Variants in PCDH15 observed in about 807,000 individuals in gnomAD.
The protein encoded by PCDH15 is protocadherin-15.
PCDH15 carries 129 observed loss-of-function variants against 178.5 expected under a neutral mutation model. That is an observed-to-expected ratio of 0.72 (90% CI 0.63 to 0.84). The LOEUF (loss-of-function observed/expected upper bound fraction) is 0.84. PCDH15 is among the 40% of genes least tolerant of loss of function. The pLI, the probability that PCDH15 is intolerant of heterozygous loss-of-function variation, is 0.00. For missense variants in PCDH15, 2,230 were observed against 2,099.9 expected, an observed-to-expected ratio of 1.06 and a Z score of -1.21; for synonymous variants, 800 against 732.0, an observed-to-expected ratio of 1.09 and a Z score of -1.50.
At chr10:55,224,772 A>G (rs1840980133) in intron 1 of PCDH15, among the ~76,000 whole-genome samples, 1 of 152,078 alleles carries the variant, frequency 6.6e-6, no homozygotes, top group South Asian at 2.1e-4. Context: ...CTTGCGTGAT[A>G]TAACTCCTGT....
At chr10:54,073,662 T>C (rs186890565) in intron 17 of PCDH15, among the ~76,000 whole-genome samples, 2 of 152,276 alleles carry the variant, frequency 1.3e-5, no homozygotes, top group African/African-American at 4.8e-5. Flanking sequence ...AATCCAGTAA[T>C]TCAAGAGCAT....
intron 2 of PCDH15, among the ~76,000 whole-genome samples, chr10:55,064,864 G>T (rs748461478): frequency 6.6e-6 from 1 of 151,970 alleles, no homozygotes; most frequent in Non-Finnish European, 1.5e-5. Flanking sequence ...TATCATTTGA[G>T]ACATCATAAG....
intron 26 of PCDH15, among the ~76,000 whole-genome samples, chr10:53,882,873 C>T (rs563765215): frequency 2.6e-5 from 4 of 151,966 alleles, no homozygotes; most frequent in African/African-American, 7.3e-5. Context: ...GGCCAATAGT[C>T]TTTTATAATG....
intron 22 of PCDH15, among the ~76,000 whole-genome samples, chr10:53,960,568 A>G (rs2088190024): frequency 1.3e-5 from 2 of 152,218 alleles, no homozygotes; most frequent in African/African-American, 4.8e-5. Flanking sequence ...CATCAAAGTA[A>G]TTCTATGTTT....
intron 3 of PCDH15, among the ~76,000 whole-genome samples, chr10:54,896,917 G>A (rs1287067845): frequency 6.6e-6 from 1 of 152,044 alleles, no homozygotes; most frequent in African/African-American, 2.4e-5. Flanking sequence ...ACTCCAATAA[G>A]CAATTACATA....
In PCDH15 at chr10:53,867,423, TG is replaced by T. The variant is rs138924124; in HGVS notation, c.3502-567del. Among the ~76,000 whole-genome samples, 57 of 152,266 alleles carry T rather than the reference TG, an allele frequency of 3.7e-4. No individual in the cohort carries two copies. The East Asian group carries it at 0.011, about 29-fold the overall frequency. ...ACAAAGAAGTGATAACTGTTTGAGA[TG>T]ACAGATATGCTAATTACCCTGATTT... On this transcript the variant is annotated intron_variant, in intron 26 of 37. Transcript: ENST00000644397.
chr10:55,145,933 T>C (rs1482836329), intron 2 of PCDH15, among the ~76,000 whole-genome samples: 1 of 151,930 alleles, frequency 6.6e-6, no homozygotes, highest in Non-Finnish European at 1.5e-5. Flanking sequence ...ACAAACATAC[T>C]GACCAAAGGT....
chr10:55,099,506 G>A (rs999589021), intron 2 of PCDH15, among the ~76,000 whole-genome samples: 2 of 152,038 alleles, frequency 1.3e-5, no homozygotes, highest in Non-Finnish European at 1.5e-5. Flanking sequence ...TTGCAGTGTA[G>A]TAATCATCTG....
chr10:54,516,328 T>G (rs1253754441), intron 3 of PCDH15, among the ~76,000 whole-genome samples: 1 of 151,934 alleles, frequency 6.6e-6, no homozygotes, highest in East Asian at 1.9e-4. Context: ...ATTAGATGAA[T>G]GTATAACTAG....
intron 3 of PCDH15, among the ~76,000 whole-genome samples, chr10:54,515,492 C>A (rs540783032): frequency 3.9e-5 from 6 of 152,240 alleles, no homozygotes; most frequent in Admixed American, 1.3e-4. Context: ...GAAACTGGAA[C>A]TCGGTGGAGC....
chr10:54,385,292 A>T (rs1411030066), intron 3 of PCDH15, among the ~76,000 whole-genome samples: 1 of 152,132 alleles, frequency 6.6e-6, no homozygotes, highest in Non-Finnish European at 1.5e-5. Flanking sequence ...GTAAACAATA[A>T]GGCAAAATTA....
intron 2 of PCDH15, among the ~76,000 whole-genome samples, chr10:55,448,530 A>G (rs1839366413): frequency 6.6e-6 from 1 of 152,006 alleles, no homozygotes; most frequent in African/African-American, 2.4e-5. Flanking sequence ...TTTTTTCAGT[A>G]GGAAACTTGA....
At chr10:54,491,683 A>G (rs2079609261) in intron 3 of PCDH15, among the ~76,000 whole-genome samples, 1 of 152,162 alleles carries the variant, frequency 6.6e-6, no homozygotes, top group Non-Finnish European at 1.5e-5. Flanking sequence ...GAGAAGATTC[A>G]TCAATCTATG....
chr10:53,904,149 T>C (rs2082513002), intron 25 of PCDH15, among the ~76,000 whole-genome samples: 1 of 152,146 alleles, frequency 6.6e-6, no homozygotes, highest in African/African-American at 2.4e-5. Context: ...TTAATATGTA[T>C]AAAAATAACT....
At chr10:55,438,121 C>A (rs1839090624) in intron 2 of PCDH15, among the ~76,000 whole-genome samples, 1 of 151,552 alleles carries the variant, frequency 6.6e-6, no homozygotes, top group Non-Finnish European at 1.5e-5. Flanking sequence ...AGGCATGAGC[C>A]CCTGCGCCTG....
chr10:54,500,809 G>A (rs1431040642), intron 3 of PCDH15, among the ~76,000 whole-genome samples: 1 of 152,042 alleles, frequency 6.6e-6, no homozygotes, highest in Non-Finnish European at 1.5e-5. Flanking sequence ...GGCAACAGAA[G>A]TGAGACTCCA....
At chr10:55,549,212 C>T (rs924674474) in intron 2 of PCDH15, among the ~76,000 whole-genome samples, 2 of 151,844 alleles carry the variant, frequency 1.3e-5, no homozygotes, top group Admixed American at 6.6e-5. Flanking sequence ...ATTCATATTC[C>T]TGTTTTTCTG....
intron 11 of PCDH15, among the ~76,000 whole-genome samples, chr10:54,192,128 G>A (rs2049079983): frequency 8.7e-6 from 1 of 115,530 alleles, no homozygotes. Flanking sequence ...AAGAAAGAAA[G>A]AAAGAGAAAG....
At chr10:53,899,452 C>T (rs561998528) in intron 26 of PCDH15, among the ~76,000 whole-genome samples, 9 of 152,170 alleles carry the variant, frequency 5.9e-5, no homozygotes, top group African/African-American at 2.2e-4. Context: ...GCTAATATAG[C>T]CTTATTCACT....
Sources: allele counts gnomAD v4.1 joint callset (sites outside exome capture counted in the v4.1 genomes callset), GRCh38; gene constraint gnomAD v4.1.1; transcripts MANE v1.5; gene names NCBI Gene and HGNC (gene_info 2026-07-23, HGNC 2026-07-21).